The following ZMYM2 variants were observed in gnomAD, a reference collection of about 807,000 sequenced individuals.
The protein encoded by ZMYM2 is zinc finger MYM-type containing 2.
ZMYM2 carries 56 observed loss-of-function variants against 162.8 expected under a neutral mutation model. That is an observed-to-expected ratio of 0.34 (90% CI 0.28 to 0.43). The LOEUF is 0.43. ZMYM2 is among the 20% of genes least tolerant of loss of function. ZMYM2 has a pLI of 1.00. For missense variants in ZMYM2, 1,275 were observed against 1,621.8 expected (o/e 0.79, Z 3.67); for synonymous variants, 510 against 541.6 (o/e 0.94, Z 0.81).
Position 20,031,476 on chromosome 13 carries a change from A to T in ZMYM2, c.1968+41A>T, listed in dbSNP as rs1315461253. 2.4e-6 allele frequency: 3 copies of T among 1,276,062 alleles called. No individual in the cohort carries two copies. In the South Asian group the frequency reaches 4.6e-5, roughly 20 times the overall value. The allele number at this position is 1,276,062 out of a possible 1,614,324, so 79.0% of individuals were successfully genotyped here. On this transcript the variant is annotated intron_variant, in intron 10 of 24. Coordinates refer to ENST00000610343, the MANE Select transcript of ZMYM2 (RefSeq NM_197968.4). ...TAATGTGTGTTATCTAATGCTAAAAAGAAAGTCTAGTAAAATAAGTGTTGT... is the reference window on the plus strand; with the variant it reads ...TAATGTGTGTTATCTAATGCTAAAATGAAAGTCTAGTAAAATAAGTGTTGT...
the ZMYM2 span, chr13:19,864,282 C>T: frequency 1.3e-5 from 2 of 154,962 alleles, no homozygotes; most frequent in Non-Finnish European, 2.9e-5. Context: ...GGGGAATAGT[C>T]CCCCACCTCC....
At chr13:20,046,275 G>A (rs980445686) in intron 12 of ZMYM2, among the ~76,000 whole-genome samples, 1 of 151,478 alleles carries the variant, frequency 6.6e-6, no homozygotes, top group Non-Finnish European at 1.5e-5. Flanking sequence ...TACTGAGAGC[G>A]GTGGCTCACA....
the ZMYM2 span, among the ~76,000 whole-genome samples, chr13:19,921,298 C>G: frequency 2.6e-5 from 4 of 152,166 alleles, no homozygotes; most frequent in African/African-American, 7.2e-5. Flanking sequence ...AGCCACCACA[C>G]CCGGCTAATT....
chr13:19,982,392 A>T (rs1411803502), intron 2 of ZMYM2, among the ~76,000 whole-genome samples: 1 of 140,350 alleles, frequency 7.1e-6, no homozygotes, highest in Non-Finnish European at 1.5e-5. Context: ...GGTTCAGGTG[A>T]TTCTTATGCC....
At chr13:19,882,148 C>A in the ZMYM2 span, among the ~76,000 whole-genome samples, 1 of 152,044 alleles carries the variant, frequency 6.6e-6, no homozygotes, top group Non-Finnish European at 1.5e-5. Flanking sequence ...TTCTTAGATA[C>A]AAAAGCCGAG....
At chr13:19,997,985 A>G (rs1950142580) in intron 3 of ZMYM2, among the ~76,000 whole-genome samples, 1 of 152,172 alleles carries the variant, frequency 6.6e-6, no homozygotes, top group African/African-American at 2.4e-5. Flanking sequence ...TTCTTTAGGA[A>G]TATTGCTGGA....
chr13:20,005,012 T>C (rs1950639209), intron 4 of ZMYM2, 62 bp from the exon 5 acceptor site: 3 of 1,392,144 alleles, frequency 2.2e-6, no homozygotes, highest in African/African-American at 3.0e-5. Context: ...AAATGTCACT[T>C]ATGACTCTTA....
chr13:19,933,262 A>C, the ZMYM2 span, among the ~76,000 whole-genome samples: 2 of 152,058 alleles, frequency 1.3e-5, no homozygotes, highest in African/African-American at 4.8e-5. Context: ...GTTTTCTTTG[A>C]TGTATCAGCT....
the ZMYM2 span, among the ~76,000 whole-genome samples, chr13:19,886,069 T>A: frequency 6.8e-6 from 1 of 147,994 alleles, no homozygotes; most frequent in African/African-American, 2.5e-5. Flanking sequence ...CTAGGTTCTA[T>A]ATCCATCTTT....
chr13:19,870,036 G>A, the ZMYM2 span, among the ~76,000 whole-genome samples: 1 of 152,182 alleles, frequency 6.6e-6, no homozygotes, highest in Non-Finnish European at 1.5e-5. Flanking sequence ...CGTAGGCCAG[G>A]GCTGCAGTCG....
the ZMYM2 span, among the ~76,000 whole-genome samples, chr13:19,872,600 G>A: frequency 2.0e-5 from 3 of 152,198 alleles, no homozygotes; most frequent in African/African-American, 7.2e-5. Flanking sequence ...GGTCAAAGGA[G>A]AAATTTCAAA....
intron 6 of ZMYM2, among the ~76,000 whole-genome samples, chr13:20,016,810 G>A (rs1037852184): frequency 3.9e-5 from 6 of 151,992 alleles, no homozygotes; most frequent in African/African-American, 1.5e-4. Flanking sequence ...GTGTCTTATT[G>A]TGTGTCTCTG....
At chr13:20,076,200 A>G (rs1957493693) in intron 21 of ZMYM2, among the ~76,000 whole-genome samples, 6 of 150,480 alleles carry the variant, frequency 4.0e-5, no homozygotes, top group Admixed American at 3.9e-4. Flanking sequence ...CTAACTATGT[A>G]TGTATCTCAT....
chr13:19,954,971 C>T (rs577357858), upstream of ZMYM2, among the ~76,000 whole-genome samples: 39 of 151,808 alleles, frequency 2.6e-4, no homozygotes, highest in South Asian at 2.1e-3. Flanking sequence ...CCACGCTGCC[C>T]GGCTAGTTTT....
At chr13:19,922,251 A>T in the ZMYM2 span, among the ~76,000 whole-genome samples, 15 of 152,092 alleles carry the variant, frequency 9.9e-5, no homozygotes, top group Non-Finnish European at 1.9e-4. Context: ...AGGGGCAGGG[A>T]GTGGGCGGAT....
At chr13:20,031,288 C>A in intron 9 of ZMYM2, 31 bp from the exon 10 acceptor site, 1 of 1,467,584 alleles carries the variant, frequency 6.8e-7, no homozygotes, top group South Asian at 1.2e-5. Flanking sequence ...ACATACATGT[C>A]AGGCTTAGTA....
chr13:20,034,430 A>G (rs1219644572), intron 11 of ZMYM2, 26 bp downstream of exon 11: 1 of 1,473,364 alleles, frequency 6.8e-7, no homozygotes, highest in South Asian at 1.5e-5. Flanking sequence ...AGTGTTGTTC[A>G]TAACATTTAT....
At chr13:19,900,838 C>G in the ZMYM2 span, among the ~76,000 whole-genome samples, 1 of 152,092 alleles carries the variant, frequency 6.6e-6, no homozygotes. Flanking sequence ...TTGAGATCAT[C>G]CTGGCTAACA....
At chr13:20,060,305 T>C (rs1225218945) in intron 16 of ZMYM2, among the ~76,000 whole-genome samples, 1 of 152,238 alleles carries the variant, frequency 6.6e-6, no homozygotes, top group Non-Finnish European at 1.5e-5. Flanking sequence ...ATGTATATGT[T>C]CATCCTCGAG....
Sources: allele counts gnomAD v4.1 joint callset (sites outside exome capture counted in the v4.1 genomes callset), GRCh38; gene constraint gnomAD v4.1.1; transcripts MANE v1.5; gene names NCBI Gene and HGNC (gene_info 2026-07-23, HGNC 2026-07-21).